The following RUNX2 variants were observed in gnomAD, a reference collection of about 807,000 sequenced individuals.
The protein encoded by RUNX2 is runt-related transcription factor 2.
Under a neutral mutation model 51.7 loss-of-function variants are expected in RUNX2, and 10 were observed. The observed-to-expected ratio is 0.19, with a 90% CI of 0.12 to 0.33. The LOEUF (loss-of-function observed/expected upper bound fraction) is 0.33, where lower values mean the gene tolerates loss of function less well. RUNX2 is among the 10% of genes least tolerant of loss of function. The pLI, the probability that RUNX2 is intolerant of heterozygous loss-of-function variation, is 1.00. For synonymous variants in RUNX2, 276 were observed against 273.6 expected (o/e 1.01, Z -0.09); for missense variants, 562 against 691.3 (o/e 0.81, Z 2.10).
intron 3 of RUNX2, among the ~76,000 whole-genome samples, chr6:45,431,137 A>G (rs1162660672): frequency 6.6e-6 from 1 of 152,242 alleles, no homozygotes; most frequent in Non-Finnish European, 1.5e-5. Context: ...TAAGCAGTCA[A>G]GTATGTCATT....
At chr6:45,455,029 G>T (rs981456039) in intron 5 of RUNX2, among the ~76,000 whole-genome samples, 2 of 152,116 alleles carry the variant, frequency 1.3e-5, no homozygotes, top group African/African-American at 2.4e-5. Flanking sequence ...CAGGAGAATC[G>T]CTTGAACCTG....
In RUNX2 at chr6:45,550,026, C is replaced by CTTTTTTTTT; in HGVS notation, c.*2721_*2722insTTTTTTTTT. On this transcript the variant is annotated 3_prime_UTR_variant, in exon 9 of 9. Transcript: ENST00000647337. ...TCTTTTTTTTTTTTTTTCACTGAACCCTTAATTTGCACTGGGTCATGTGTT... is the reference window on the plus strand; with the variant it reads ...TCTTTTTTTTTTTTTTTCACTGAACCTTTTTTTTTCTTAATTTGCACTGGGTCATGTGTT... 6.6e-6 allele frequency: 1 copy of CTTTTTTTTT among 150,700 alleles called. No individual in the cohort carries two copies. Among genetic ancestry groups the CTTTTTTTTT allele is most frequent in the Non-Finnish European group, 1.5e-5 (1 of 67,704 alleles). The allele number at this position is 150,700 out of a possible 1,614,324, so 9.3% of individuals were successfully genotyped here.
chr6:45,530,392 G>C (rs1378378804), intron 7 of RUNX2, among the ~76,000 whole-genome samples: 1 of 152,228 alleles, frequency 6.6e-6, no homozygotes, highest in Non-Finnish European at 1.5e-5. Context: ...AATGTGGCAA[G>C]TAAGTTCCAA....
intron 5 of RUNX2, among the ~76,000 whole-genome samples, chr6:45,487,885 C>T (rs1227334792): frequency 6.6e-6 from 1 of 152,092 alleles, no homozygotes; most frequent in Admixed American, 6.6e-5. Context: ...ATTGTGGTGA[C>T]TGCCATAAAG....
At chr6:45,458,002 A>G (rs1391360115) in intron 5 of RUNX2, among the ~76,000 whole-genome samples, 1 of 151,660 alleles carries the variant, frequency 6.6e-6, no homozygotes, top group East Asian at 1.9e-4. Context: ...ATCAAATGCA[A>G]TGATAAATTC....
At chr6:45,374,550 A>G (rs560472484) in intron 2 of RUNX2, among the ~76,000 whole-genome samples, 2 of 152,360 alleles carry the variant, frequency 1.3e-5, no homozygotes, top group South Asian at 4.1e-4. Flanking sequence ...TAATATAATA[A>G]TGCATATGGC....
Position 45,386,267 on chromosome 6 carries a change from A to G in RUNX2, c.59-36326A>G, listed in dbSNP as rs182555722. 2.6e-3 allele frequency among the ~76,000 whole-genome samples: 396 copies of G among 152,168 alleles called. 3 individuals are homozygous for G. Among genetic ancestry groups the G allele is most frequent in the African/African-American group, 8.7e-3 (362 of 41,514 alleles). The stretch of plus-strand genomic sequence containing the variant: ...TTTTTAGTAGAGATGGGGTTTCTCC[A>G]TATTGGTCAGGCTGGTCTCAAACTG... On this transcript the variant is annotated intron_variant, in intron 2 of 8. Coordinates refer to ENST00000647337, the MANE Select transcript of RUNX2 (RefSeq NM_001024630.4).
chr6:45,486,573 A>C (rs1242825673), intron 5 of RUNX2, among the ~76,000 whole-genome samples: 1 of 152,210 alleles, frequency 6.6e-6, no homozygotes, highest in Non-Finnish European at 1.5e-5. Flanking sequence ...GCTGCCAAAC[A>C]TCATGCCCTA....
intron 7 of RUNX2, among the ~76,000 whole-genome samples, chr6:45,537,217 A>G (rs1240404624): frequency 6.6e-6 from 1 of 152,208 alleles, no homozygotes; most frequent in Non-Finnish European, 1.5e-5. Context: ...AGCATGGCTA[A>G]TGAGTGCATG....
intron 7 of RUNX2, among the ~76,000 whole-genome samples, chr6:45,516,839 C>A (rs756667918): frequency 4.6e-5 from 7 of 152,188 alleles, no homozygotes; most frequent in Non-Finnish European, 1.0e-4. Flanking sequence ...TAATTGCTGA[C>A]TTTCAAAATG....
In RUNX2 at chr6:45,548,743, T is replaced by A. The variant is rs547614137; in HGVS notation, c.*1438T>A. The A allele has an allele frequency of 2.4e-5, 4 of 167,446 alleles. No individual in the cohort carries two copies. The South Asian group carries it at 8.1e-4, about 34-fold the overall frequency. The allele number at this position is 167,446 out of a possible 1,614,324, so 10.4% of individuals were successfully genotyped here. A position where few individuals can be genotyped will look rare whatever the true frequency, so the allele number is the denominator to read the frequency against. ...CCGCACATGTGGATAGAGGGTTCAA[T>A]TATGAGACACCTAGTACAGGAGAGC... On this transcript the variant is annotated 3_prime_UTR_variant, in exon 9 of 9. Transcript: ENST00000647337.
chr6:45,493,003 T>A lies in RUNX2; in HGVS notation c.859+889T>A, dbSNP rs559398798. On this transcript the variant is annotated intron_variant, in intron 6 of 8. Coordinates refer to ENST00000647337, the MANE Select transcript of RUNX2 (RefSeq NM_001024630.4). ...ATGTGTAATAAGCCCTCAACATGGATCTTTTTTATGGTTAGATTTTTGTTT... is the reference window on the plus strand; with the variant it reads ...ATGTGTAATAAGCCCTCAACATGGAACTTTTTTATGGTTAGATTTTTGTTT... Among the ~76,000 whole-genome samples, 6 of 152,278 alleles carry A rather than the reference T, an allele frequency of 3.9e-5. No homozygotes were observed. The South Asian group carries it at 6.2e-4, about 16-fold the overall frequency.
intron 3 of RUNX2, among the ~76,000 whole-genome samples, chr6:45,430,143 G>T (rs1424555201): frequency 6.6e-6 from 1 of 151,956 alleles, no homozygotes; most frequent in Non-Finnish European, 1.5e-5. Flanking sequence ...GGACACTTTT[G>T]GGAGCAGGGT....
intron 2 of RUNX2, among the ~76,000 whole-genome samples, chr6:45,404,288 G>GGA (rs1797786358): frequency 9.4e-6 from 1 of 106,136 alleles, no homozygotes; most frequent in Non-Finnish European, 1.9e-5. Flanking sequence ...AAAGAAAAAA[G>GGA]AAAAAAAAAA....
chr6:45,522,903 TTATTTCA>T, intron 7 of RUNX2, among the ~76,000 whole-genome samples: 1 of 152,362 alleles, frequency 6.6e-6, no homozygotes, highest in East Asian at 1.9e-4. Flanking sequence ...CTGTTTACCT[TTATTTCA>T]TATTTCGTAA....
At chr6:45,366,262 A>G (rs1795119373) in intron 2 of RUNX2, among the ~76,000 whole-genome samples, 1 of 152,214 alleles carries the variant, frequency 6.6e-6, no homozygotes, top group African/African-American at 2.4e-5. Context: ...GTAAACTAAG[A>G]GGGCAGGTTC....
chr6:45,389,295 A>G (rs1797421396), intron 2 of RUNX2, among the ~76,000 whole-genome samples: 1 of 152,206 alleles, frequency 6.6e-6, no homozygotes, highest in Non-Finnish European at 1.5e-5. Flanking sequence ...CCATTGCTCA[A>G]ATATTTGGAA....
At chr6:45,455,447 G>T (rs189425068) in intron 5 of RUNX2, among the ~76,000 whole-genome samples, 8 of 152,024 alleles carry the variant, frequency 5.3e-5, no homozygotes, top group African/African-American at 1.9e-4. Flanking sequence ...CTTTAATAAC[G>T]TATCCATATT....
chr6:45,384,099 C>T (rs992709079), intron 2 of RUNX2, among the ~76,000 whole-genome samples: 2 of 152,158 alleles, frequency 1.3e-5, no homozygotes, highest in Non-Finnish European at 2.9e-5. Context: ...AGCCATAATG[C>T]TGGGCAAGTT....
Sources: allele counts gnomAD v4.1 joint callset (sites outside exome capture counted in the v4.1 genomes callset), GRCh38; gene constraint gnomAD v4.1.1; transcripts MANE v1.5; gene names NCBI Gene and HGNC (gene_info 2026-07-23, HGNC 2026-07-21).